PTGS1: variants seen among roughly 807,000 people sequenced by gnomAD.
PTGS1 encodes prostaglandin G/H synthase 1.
Under a neutral mutation model 63.0 loss-of-function variants are expected in PTGS1, and 40 were observed. The ratio of observed to expected loss-of-function variants is 0.63; its 90% CI spans 0.49 to 0.83. The LOEUF (loss-of-function observed/expected upper bound fraction) is 0.83, where lower values mean the gene tolerates loss of function less well. Ranked by LOEUF, PTGS1 falls within the 40% of genes least tolerant of loss-of-function variation. The pLI, the probability that PTGS1 is intolerant of heterozygous loss-of-function variation, is 0.00. For synonymous variants in PTGS1, 298 were observed against 301.9 expected (o/e 0.99, Z 0.13); for missense variants, 709 against 786.5 (o/e 0.90, Z 1.18).
intron 8 of PTGS1, 75 bp from the exon 9 acceptor site, chr9:122,386,371 A>G (rs1837873580): frequency 3.3e-6 from 5 of 1,502,822 alleles, no homozygotes; most frequent in Non-Finnish European, 4.6e-6. Context: ...CCTCTCATGA[A>G]CTGGCCTGCT....
intron 9 of PTGS1, among the ~76,000 whole-genome samples, chr9:122,387,648 C>T (rs1239326487): frequency 6.6e-6 from 1 of 152,174 alleles, no homozygotes; most frequent in Non-Finnish European, 1.5e-5. Flanking sequence ...CAGGAGATAC[C>T]AACCCTGCTG....
chr9:122,373,513 G>A (rs897686797), intron 2 of PTGS1, among the ~76,000 whole-genome samples: 1 of 152,132 alleles, frequency 6.6e-6, no homozygotes, highest in African/African-American at 2.4e-5. Context: ...AGGCTGTGCC[G>A]GGGGCGCCCT....
chr9:122,376,057 A>ACTCTTTCTTGGGGG (rs1295036359), intron 2 of PTGS1, among the ~76,000 whole-genome samples: 3 of 151,988 alleles, frequency 2.0e-5, no homozygotes, highest in Non-Finnish European at 4.4e-5. Flanking sequence ...GCAGGGTGAC[A>ACTCTTTCTTGGGGG]AGTCCTTTCT....
In PTGS1 at chr9:122,392,223, G is replaced by A. The variant is rs1486061390; in HGVS notation, c.1479G>A (p.Leu493=). The change falls in exon 11 of 11, where the codon TTG becomes TTA. Residue 493 remains leucine, a synonymous_variant. Transcript: ENST00000362012. ...EKEMAAELEE[L]YGDIDALEFY... ...AGATGGCAGCAGAGTTGGAGGAATTGTATGGAGACATTGATGCGTTGGAGT... is the reference window on the plus strand; with the variant it reads ...AGATGGCAGCAGAGTTGGAGGAATTATATGGAGACATTGATGCGTTGGAGT... 1.2e-6 allele frequency: 2 copies of A among 1,603,070 alleles called. No individual in the cohort carries two copies. Among genetic ancestry groups the A allele is most frequent in the Admixed American group, 3.3e-5 (2 of 59,726 alleles).
chr9:122,376,351 T>C (rs1837157543), intron 2 of PTGS1, among the ~76,000 whole-genome samples: 1 of 133,478 alleles, frequency 7.5e-6, no homozygotes, highest in Admixed American at 7.1e-5. Flanking sequence ...TGCTTGTGTG[T>C]GTGTGTGTGT....
At chr9:122,374,871 G>C (rs572891882) in intron 2 of PTGS1, among the ~76,000 whole-genome samples, 2 of 152,288 alleles carry the variant, frequency 1.3e-5, no homozygotes, top group South Asian at 4.1e-4. Context: ...GGGAGATTAA[G>C]TCTTGGCTCC....
At chr9:122,389,174 A>G (rs1838053388) in intron 9 of PTGS1, among the ~76,000 whole-genome samples, 1 of 127,584 alleles carries the variant, frequency 7.8e-6, no homozygotes. Context: ...TTTTTGAGAT[A>G]CAATCTTGCT....
At chr9:122,378,611 A>G (rs757689261) in intron 4 of PTGS1, 38 bp downstream of exon 4, 1 of 1,613,734 alleles carries the variant, frequency 6.2e-7, no homozygotes, top group Non-Finnish European at 8.5e-7. Flanking sequence ...TGGGGGAGCA[A>G]GCAAGCCTGC....
At chr9:122,390,749 T>C (rs1015191838) in intron 10 of PTGS1, among the ~76,000 whole-genome samples, 2 of 151,994 alleles carry the variant, frequency 1.3e-5, no homozygotes, top group Admixed American at 1.3e-4. Context: ...TACAAAAAAT[T>C]AGCCGGGCAT....
intron 9 of PTGS1, among the ~76,000 whole-genome samples, chr9:122,387,300 G>T (rs1837930164): frequency 6.6e-6 from 1 of 152,060 alleles, no homozygotes; most frequent in Non-Finnish European, 1.5e-5. Flanking sequence ...GAAGTCAGAG[G>T]ACATGGCAGT....
At chr9:122,381,801 T>C (rs1837546432) in intron 7 of PTGS1, 54 bp downstream of exon 7, 5 of 1,535,586 alleles carry the variant, frequency 3.3e-6, no homozygotes, top group Non-Finnish European at 2.7e-6. Flanking sequence ...TGGTCTTCCC[T>C]GGCAAAGACT....
At chr9:122,391,406 TATAC>T (rs1370892329) in intron 10 of PTGS1, among the ~76,000 whole-genome samples, 4 of 53,666 alleles carry the variant, frequency 7.5e-5, no homozygotes, top group South Asian at 6.6e-4. Context: ...TACATATATA[TATAC>T]ATATATATAT....
At chr9:122,386,007 A>G (rs1053862913) in intron 8 of PTGS1, among the ~76,000 whole-genome samples, 9 of 152,134 alleles carry the variant, frequency 5.9e-5, no homozygotes, top group African/African-American at 2.2e-4. Flanking sequence ...AAACATCAAC[A>G]GCAAGGCCAG....
At chr9:122,390,151 C>A in intron 9 of PTGS1, 47 bp from the exon 10 acceptor site, 2 of 1,591,594 alleles carry the variant, frequency 1.3e-6, no homozygotes, top group Non-Finnish European at 1.7e-6. Context: ...GGCTCCAGGA[C>A]AGCCTGGCCT....
At chr9:122,371,402 T>A (rs999881846) in intron 2 of PTGS1, 130 bp downstream of exon 2, 19 of 1,460,764 alleles carry the variant, frequency 1.3e-5, no homozygotes, top group Non-Finnish European at 1.6e-5. Flanking sequence ...AGACTGAGGC[T>A]GAGTCTTTTG....
At position 122,371,274 on chromosome 9, in the gene PTGS1, T is replaced by A. The variant is rs764918241; in HGVS notation, c.94+2T>A. Reference sequence around the variant, plus strand: ...CGGACCCAGGGGCGCCCACGCCAGGTAGGCGGCCCCATCCCTCCCCAAGGG... The same window carrying A: ...CGGACCCAGGGGCGCCCACGCCAGGAAGGCGGCCCCATCCCTCCCCAAGGG... On this transcript the variant is annotated splice_donor_variant, in intron 2 of 10. Coordinates refer to ENST00000362012, the MANE Select transcript of PTGS1 (RefSeq NM_000962.4). LOFTEE classifies it high-confidence loss of function. 5.0e-6 allele frequency: 8 copies of A among 1,603,738 alleles called. No individual in the cohort carries two copies. Among genetic ancestry groups the A allele is most frequent in the Non-Finnish European group, 8.5e-7 (1 of 1,179,874 alleles).
rs1836784310 is a variant in PTGS1 at position 122,371,251 on chromosome 9, GACCCA to G, written c.74_78del (p.Asp25GlyfsTer26). On this transcript the variant is annotated frameshift_variant, in exon 2 of 11. Coordinates refer to ENST00000362012, the MANE Select transcript of PTGS1 (RefSeq NM_000962.4). LOFTEE classifies it high-confidence loss of function. ...CCCGCCGCTCCCCGTCCTGCTCGCG[GACCCA>G]GGGGCGCCCACGCCAGGTAGGCGGC... The G allele has an allele frequency of 6.2e-7, 1 of 1,606,380 alleles. No individual in the cohort carries two copies. Among genetic ancestry groups the G allele is most frequent in the Non-Finnish European group, 8.5e-7 (1 of 1,179,924 alleles).
chr9:122,391,432 TATATATATATATA>T (rs1838277435), intron 10 of PTGS1, among the ~76,000 whole-genome samples: 1 of 128,808 alleles, frequency 7.8e-6, no homozygotes. Context: ...TATATACATA[TATATATATATATA>T]TTTCCCCCAA....
At position 122,378,528 on chromosome 9, in the gene PTGS1, A is replaced by C. The variant is rs1401551468; in HGVS notation, c.307A>C (p.Asn103His). Residue 103 changes from asparagine (N) to histidine (H), a missense_variant, in exon 4 of 11, where the codon AAT (asparagine) becomes CAT (histidine). Asn to His is a moderately conservative substitution (Grantham distance 68). Coordinates refer to ENST00000362012, the MANE Select transcript of PTGS1 (RefSeq NM_000962.4). ...THGRWFWEFV[N>H]ATFIREMLMR... The stretch of plus-strand genomic sequence containing the variant: ...CGGGCGCTGGTTCTGGGAGTTTGTC[A>C]ATGCCACCTTCATCCGAGAGATGCT... 2 of 1,614,160 alleles carry C rather than the reference A, an allele frequency of 1.2e-6. No individual in the cohort carries two copies. Among genetic ancestry groups the C allele is most frequent in the South Asian group, 2.2e-5 (2 of 91,080 alleles).
Sources: gnomAD v4.1 joint callset for allele counts (sites outside exome capture counted in the v4.1 genomes callset) on GRCh38, gnomAD v4.1.1 for gene constraint, MANE v1.5 for transcripts, NCBI Gene and HGNC (gene_info 2026-07-23, HGNC 2026-07-21) for gene names.